RAPGEF5: variants seen among roughly 807,000 people sequenced by gnomAD.
The protein encoded by RAPGEF5 is Rap guanine nucleotide exchange factor 5.
RAPGEF5 carries 65 observed loss-of-function variants against 125.2 expected under a neutral mutation model. That is an observed-to-expected ratio of 0.52 (90% confidence interval 0.43 to 0.64). RAPGEF5 has a LOEUF of 0.64. Among genes scored for constraint, RAPGEF5 ranks in the 30% least tolerant of loss-of-function variants. The probability of loss-of-function intolerance (pLI) is 0.00; values close to 1 mark genes in which losing one functional copy is unlikely to be tolerated. For missense variants in RAPGEF5, 958 were observed against 1,048.1 expected, an observed-to-expected ratio of 0.91 and a Z score of 1.19; for synonymous variants, 391 against 385.9, an observed-to-expected ratio of 1.01 and a Z score of -0.16.
At chr7:22,249,397 C>A (rs896116300) in intron 7 of RAPGEF5, among the ~76,000 whole-genome samples, 1 of 151,976 alleles carries the variant, frequency 6.6e-6, no homozygotes, top group African/African-American at 2.4e-5. Flanking sequence ...ATTATGTTGG[C>A]CAGGCTGGTC....
chr7:22,308,301 G>A (rs1386819296), intron 5 of RAPGEF5, 38 bp downstream of exon 5: 6 of 1,536,194 alleles, frequency 3.9e-6, no homozygotes, highest in Non-Finnish European at 5.3e-6. Flanking sequence ...TGTTGTCTAA[G>A]TGTAAGAATA....
At chr7:22,238,766 G>A (rs1786253118) in intron 7 of RAPGEF5, among the ~76,000 whole-genome samples, 1 of 152,188 alleles carries the variant, frequency 6.6e-6, no homozygotes, top group Non-Finnish European at 1.5e-5. Context: ...CAGGTGTGTG[G>A]TTGGTCCTCT....
In RAPGEF5 at chr7:22,122,819, G is replaced by A. The variant is rs150707713; in HGVS notation, c.2537-298C>T. Among the ~76,000 whole-genome samples, 115 of 152,274 alleles carry A rather than the reference G, an allele frequency of 7.6e-4. 1 individual carries two copies. The highest frequency in any genetic ancestry group is 2.3e-3 in the African/African-American group (94 of 41,556). On this transcript the variant is annotated intron_variant, in intron 25 of 25. Coordinates refer to ENST00000665637, the MANE Select transcript of RAPGEF5 (RefSeq NM_012294.5). ...AGATGGGGAAACTGAGCACAGTCAC[G>A]CAGCAAGTTAACTGTCACAGCCAGG...
At chr7:22,218,065 A>G (rs979313932) in intron 9 of RAPGEF5, among the ~76,000 whole-genome samples, 2 of 152,128 alleles carry the variant, frequency 1.3e-5, no homozygotes, top group African/African-American at 4.8e-5. Flanking sequence ...TGCTGCACCC[A>G]TTAACTCGTC....
At chr7:22,124,644 T>C (rs1161018456) in intron 25 of RAPGEF5, among the ~76,000 whole-genome samples, 1 of 152,226 alleles carries the variant, frequency 6.6e-6, no homozygotes, top group Non-Finnish European at 1.5e-5. Flanking sequence ...TTCTACTTTA[T>C]ATAGACTTCT....
intron 7 of RAPGEF5, among the ~76,000 whole-genome samples, chr7:22,231,462 C>T (rs958268320): frequency 3.3e-5 from 5 of 152,162 alleles, no homozygotes; most frequent in Non-Finnish European, 7.3e-5. Context: ...ACAATGACCT[C>T]TTACACAAAG....
At chr7:22,262,521 C>T (rs1273549436) in intron 7 of RAPGEF5, among the ~76,000 whole-genome samples, 1 of 152,158 alleles carries the variant, frequency 6.6e-6, no homozygotes. Flanking sequence ...GATAGTTTAG[C>T]TGTTTCTCAA....
At chr7:22,249,186 C>G (rs572703529) in intron 7 of RAPGEF5, among the ~76,000 whole-genome samples, 1 of 151,928 alleles carries the variant, frequency 6.6e-6, no homozygotes, top group South Asian at 2.1e-4. Context: ...AGTTATTTAC[C>G]CTTTTTGTTT....
intron 24 of RAPGEF5, among the ~76,000 whole-genome samples, chr7:22,127,040 CTTT>C (rs11460551): frequency 2.3e-5 from 3 of 132,834 alleles, no homozygotes. Flanking sequence ...CAAAAGTCTT[CTTT>C]TTTTTTTTTT....
chr7:22,147,113 C>G, intron 18 of RAPGEF5, 94 bp from the exon 19 acceptor site: 1 of 1,449,656 alleles, frequency 6.9e-7, no homozygotes, highest in South Asian at 1.3e-5. Context: ...CTCAGATTAG[C>G]AAAGTAATCT....
intron 23 of RAPGEF5, among the ~76,000 whole-genome samples, chr7:22,134,036 G>A (rs899145811): frequency 1.3e-5 from 2 of 152,176 alleles, no homozygotes; most frequent in East Asian, 3.8e-4. Flanking sequence ...CTCAAAGTGG[G>A]AGGCACAAGA....
chr7:22,311,136 C>T (rs1783460800), intron 3 of RAPGEF5, among the ~76,000 whole-genome samples: 1 of 152,076 alleles, frequency 6.6e-6, no homozygotes, highest in South Asian at 2.1e-4. Context: ...AGAGATCCTC[C>T]CACCTAAGCC....
chr7:22,150,783 A>G (rs1362570024), intron 17 of RAPGEF5, among the ~76,000 whole-genome samples: 2 of 152,232 alleles, frequency 1.3e-5, no homozygotes, highest in Non-Finnish European at 2.9e-5. Context: ...AGTTTAAGAC[A>G]AAAAGTAAAA....
chr7:22,277,391 A>T (rs1034677443), intron 6 of RAPGEF5, among the ~76,000 whole-genome samples: 2 of 152,226 alleles, frequency 1.3e-5, no homozygotes, highest in African/African-American at 4.8e-5. Flanking sequence ...GCATTAGTTT[A>T]GTATCTCTTC....
At chr7:22,129,517 C>A (rs1473485167) in intron 24 of RAPGEF5, among the ~76,000 whole-genome samples, 3 of 152,198 alleles carry the variant, frequency 2.0e-5, no homozygotes, top group African/African-American at 7.2e-5. Context: ...TAATCCCAAA[C>A]GACAGGGATT....
In RAPGEF5 at chr7:22,118,343, TA is replaced by T. The variant is rs3837089; in HGVS notation, c.*4062del. The T allele has an allele frequency of 0.36, 54,648 of 152,034 alleles. 10,069 individuals carry two copies. Among genetic ancestry groups the T allele is most frequent in the African/African-American group, 0.42 (17,438 of 41,324 alleles). 9.4% of individuals were successfully genotyped at this position (152,034 alleles called of 1,614,324 possible). A position where few individuals can be genotyped will look rare whatever the true frequency, so the allele number is the denominator to read the frequency against. ...AGTCTCATATTTGGAAAAGCAGTTT[TA>T]AAAAAAAATTGAAAATACAAGATAA... On this transcript the variant is annotated 3_prime_UTR_variant, in exon 26 of 26. Transcript: ENST00000665637.
rs560496335 is a variant in RAPGEF5 at position 22,216,377 on chromosome 7, G to A, written c.996+3489C>T. On this transcript the variant is annotated intron_variant, in intron 9 of 25. Transcript: ENST00000665637. ...CCAGTCTTTCATAATGGAATTTTAGGCTGACTCCCAGCCCACCCCTCTCCA... is the reference window on the plus strand; with the variant it reads ...CCAGTCTTTCATAATGGAATTTTAGACTGACTCCCAGCCCACCCCTCTCCA... Among the ~76,000 whole-genome samples the A allele has an allele frequency of 8.2e-4, 125 of 152,162 alleles. 2 individuals are homozygous for A. In the South Asian group the frequency reaches 0.017, roughly 21 times the overall value.
Position 22,162,060 on chromosome 7 carries a change from T to C in RAPGEF5, c.1428+337A>G, listed in dbSNP as rs377437726. Reference sequence around the variant, plus strand: ...AAAGAACATACATTGTCAATATAGTTTTTAAATGATAAATAATGTTTTATG... The same window carrying C: ...AAAGAACATACATTGTCAATATAGTCTTTAAATGATAAATAATGTTTTATG... On this transcript the variant is annotated intron_variant, in intron 13 of 25. Coordinates refer to ENST00000665637, the MANE Select transcript of RAPGEF5 (RefSeq NM_012294.5). 5.3e-4 allele frequency among the ~76,000 whole-genome samples: 80 copies of C among 152,360 alleles called. 2 individuals carry two copies. In the South Asian group the frequency reaches 0.016, roughly 31 times the overall value.
chr7:22,230,459 G>A (rs568006288), intron 8 of RAPGEF5, among the ~76,000 whole-genome samples: 1 of 152,286 alleles, frequency 6.6e-6, no homozygotes, highest in East Asian at 1.9e-4. Context: ...AGTATTTGGA[G>A]GTATGCTACC....
Sources: gnomAD v4.1 joint callset for allele counts (sites outside exome capture counted in the v4.1 genomes callset) on GRCh38, gnomAD v4.1.1 for gene constraint, MANE v1.5 for transcripts, NCBI Gene and HGNC (gene_info 2026-07-23, HGNC 2026-07-21) for gene names.